LRRC27: variants seen among roughly 807,000 people sequenced by gnomAD.
LRRC27 encodes the protein leucine-rich repeat-containing protein 27.
Under a neutral mutation model 55.0 loss-of-function variants are expected in LRRC27, and 57 were observed. That is an observed-to-expected ratio of 1.04 (90% CI 0.84 to 1.29). The LOEUF (loss-of-function observed/expected upper bound fraction) is 1.29. LRRC27 is among the 50% of genes most tolerant of loss of function. LRRC27 has a pLI of 0.00. For missense variants in LRRC27, 721 were observed against 651.5 expected (o/e 1.11, Z -1.16); for synonymous variants, 278 against 251.9 (o/e 1.10, Z -0.98).
intron 2 of LRRC27, chr10:132,337,011 G>A (rs2067166161): frequency 9.5e-7 from 1 of 1,052,458 alleles, no homozygotes; most frequent in Non-Finnish European, 1.3e-6. Context: ...CCGAGTTGAT[G>A]TGTCAATCTG....
upstream of LRRC27, chr10:132,332,026 C>T: frequency 2.7e-6 from 1 of 373,524 alleles, no homozygotes; most frequent in Non-Finnish European, 4.8e-6. Flanking sequence ...GGCACCCACA[C>T]CCCGCCCCCG....
upstream of LRRC27, chr10:132,330,292 G>A: frequency 3.3e-6 from 2 of 614,194 alleles, no homozygotes; most frequent in Non-Finnish European, 6.0e-6. Context: ...ACGCTCAAAT[G>A]GTTAGTAAAT....
chr10:132,373,759 TGA>T (rs2069274421), intron 10 of LRRC27, among the ~76,000 whole-genome samples: 1 of 151,942 alleles, frequency 6.6e-6, no homozygotes, highest in African/African-American at 2.4e-5. Flanking sequence ...CCCCCTACTG[TGA>T]GAGGAGCCTG....
chr10:132,364,493 C>T (rs1305412952), intron 9 of LRRC27, among the ~76,000 whole-genome samples: 8 of 118,466 alleles, frequency 6.8e-5, no homozygotes, highest in South Asian at 3.0e-4. Flanking sequence ...ACACTTACAC[C>T]CACCCTTACA....
At chr10:132,345,367 A>G (rs1194888955) in intron 5 of LRRC27, among the ~76,000 whole-genome samples, 4 of 151,602 alleles carry the variant, frequency 2.6e-5, no homozygotes, top group Admixed American at 6.5e-5. Context: ...ATGTGCTGCA[A>G]TTGAAATGTG....
intron 8 of LRRC27, among the ~76,000 whole-genome samples, chr10:132,360,751 C>T (rs1001424101): frequency 6.6e-6 from 1 of 152,184 alleles, no homozygotes; most frequent in African/African-American, 2.4e-5. Context: ...ATGGACCCTA[C>T]GAGTCTCCAC....
chr10:132,381,340 G>A lies in LRRC27; in HGVS notation c.*6098G>A, dbSNP rs1389651204. Among the ~76,000 whole-genome samples, 1 of 152,200 alleles carries A rather than the reference G, an allele frequency of 6.6e-6. No individual in the cohort carries two copies. Among genetic ancestry groups the A allele is most frequent in the Non-Finnish European group, 1.5e-5 (1 of 68,042 alleles). ...TTTTGCCAGGGGCTCTCGGGCCTTCGGCCACAGACTGAAGGCTGCACTGTC... is the reference window on the plus strand; with the variant it reads ...TTTTGCCAGGGGCTCTCGGGCCTTCAGCCACAGACTGAAGGCTGCACTGTC... On this transcript the variant is annotated 3_prime_UTR_variant, in exon 11 of 11. Transcript: ENST00000368614.
At position 132,366,230 on chromosome 10, in the gene LRRC27, G is replaced by A. The variant is rs115054818; in HGVS notation, c.1416+680G>A. 1,065 of 154,038 alleles carry A rather than the reference G, an allele frequency of 6.9e-3. 17 individuals are homozygous for A. Among genetic ancestry groups the A allele is most frequent in the African/African-American group, 0.023 (936 of 41,586 alleles). 9.5% of individuals were successfully genotyped at this position (154,038 alleles called of 1,614,324 possible). The stretch of plus-strand genomic sequence containing the variant: ...GTGGGCCCAGGGCTGGGCCATGAGG[G>A]GCGTCACTGCAGAGAGGGGTCTGGC... On this transcript the variant is annotated intron_variant, in intron 10 of 10. Transcript: ENST00000368614.
rs2069317646 is a variant in LRRC27, at chr10:132,375,183, CA to C, written c.1538del (p.Asn513IlefsTer25). ...LSLGLPAAQP[Q>X]NTFFNTKYGE... Reference sequence around the variant, plus strand: ...GCTTGGCCTGCCGGCAGCACAGCCTCAAAATACATTTTTTAACACAAAATAT... The same window carrying C: ...GCTTGGCCTGCCGGCAGCACAGCCTCAAATACATTTTTTAACACAAAATAT... On this transcript the variant is annotated frameshift_variant, in exon 11 of 11. Coordinates refer to ENST00000368614, the MANE Select transcript of LRRC27 (RefSeq NM_030626.3). LOFTEE classifies it low-confidence loss of function (END_TRUNC). The C allele has an allele frequency of 6.2e-7, 1 of 1,613,986 alleles. No individual in the cohort carries two copies. The highest frequency in any genetic ancestry group is 1.7e-5 in the Admixed American group (1 of 60,000).
At chr10:132,358,058 A>T (rs1253289311) in intron 8 of LRRC27, among the ~76,000 whole-genome samples, 1 of 152,248 alleles carries the variant, frequency 6.6e-6, no homozygotes, top group Admixed American at 6.5e-5. Context: ...AGAGTGCTGT[A>T]GTCAGAGTCC....
At chr10:132,360,703 G>C (rs1308895787) in intron 8 of LRRC27, among the ~76,000 whole-genome samples, 1 of 152,240 alleles carries the variant, frequency 6.6e-6, no homozygotes, top group East Asian at 1.9e-4. Context: ...GAGAATGGCA[G>C]ATACAACCAT....
At chr10:132,337,472 TTAG>T (rs2067191629) in intron 2 of LRRC27, 90 bp from the exon 3 acceptor site, 1 of 1,538,810 alleles carries the variant, frequency 6.5e-7, no homozygotes, top group Non-Finnish European at 8.8e-7. Context: ...GTTCTGGTTG[TTAG>T]TAGTTCTTTT....
At chr10:132,364,908 A>G (rs1433840325) in intron 9 of LRRC27, among the ~76,000 whole-genome samples, 3 of 116,794 alleles carry the variant, frequency 2.6e-5, no homozygotes, top group Non-Finnish European at 3.9e-5. Context: ...CCTGCAGCAG[A>G]TCCCCAGCTC....
chr10:132,334,458 C>T (rs1324752826), intron 2 of LRRC27, among the ~76,000 whole-genome samples: 1 of 152,168 alleles, frequency 6.6e-6, no homozygotes, highest in South Asian at 2.1e-4. Context: ...CCAGGCTGAT[C>T]TTGAATGCCT....
At chr10:132,346,622 G>A (rs191666008) in intron 5 of LRRC27, among the ~76,000 whole-genome samples, 155 of 152,290 alleles carry the variant, frequency 1.0e-3, no homozygotes, top group African/African-American at 3.5e-3. Flanking sequence ...CCAAGATGGT[G>A]TCACTGCACT....
chr10:132,347,775 T>C (rs942292865), intron 5 of LRRC27, among the ~76,000 whole-genome samples: 12 of 152,140 alleles, frequency 7.9e-5, no homozygotes, highest in Non-Finnish European at 1.2e-4. Context: ...ATTCCCTCCA[T>C]GTGGAACTGC....
At chr10:132,347,188 A>G (rs140051387) in intron 5 of LRRC27, among the ~76,000 whole-genome samples, 2,220 of 152,386 alleles carry the variant, frequency 0.015, 45 homozygotes, top group South Asian at 0.049. Context: ...GGAAGCAGAA[A>G]TGTTGATTAA....
At chr10:132,354,781 G>T (rs973097731) in intron 7 of LRRC27, among the ~76,000 whole-genome samples, 1 of 152,192 alleles carries the variant, frequency 6.6e-6, no homozygotes, top group Non-Finnish European at 1.5e-5. Flanking sequence ...GGGCCCAGGC[G>T]TCCAGGATGA....
At chr10:132,375,020 G>C in intron 10 of LRRC27, 46 bp from the exon 11 acceptor site, 1 of 1,571,478 alleles carries the variant, frequency 6.4e-7, no homozygotes, top group Non-Finnish European at 8.7e-7. Context: ...GACGCCCTAA[G>C]TCCTGCCAGC....
Sources: allele counts gnomAD v4.1 joint callset (sites outside exome capture counted in the v4.1 genomes callset), GRCh38; gene constraint gnomAD v4.1.1; transcripts MANE v1.5; gene names NCBI Gene and HGNC (gene_info 2026-07-23, HGNC 2026-07-21).